ADK: variants seen among roughly 807,000 people sequenced by gnomAD.
ADK encodes the protein adenosine kinase, also known as N6,N6-dimethyladenosine kinase.
ADK carries 24 observed loss-of-function variants against 44.7 expected under a neutral mutation model. The observed-to-expected ratio is 0.54, with a 90% CI of 0.39 to 0.76. The LOEUF (loss-of-function observed/expected upper bound fraction) is 0.76. ADK is among the 30% of genes least tolerant of loss of function. ADK has a pLI of 0.00. For missense variants in ADK, 321 were observed against 425.1 expected (o/e 0.76, Z 2.15); for synonymous variants, 128 against 142.6 (o/e 0.90, Z 0.73).
intron 2 of ADK, among the ~76,000 whole-genome samples, chr10:74,209,953 C>A (rs1314616825): frequency 1.3e-5 from 2 of 151,910 alleles, no homozygotes; most frequent in Non-Finnish European, 2.9e-5. Flanking sequence ...TTTTTCCTGA[C>A]ACTAGATAAA....
chr10:74,567,699 G>GTT (rs56042541), intron 7 of ADK, among the ~76,000 whole-genome samples: 45 of 112,372 alleles, frequency 4.0e-4, no homozygotes, highest in Non-Finnish European at 5.4e-4. Flanking sequence ...TGTTTTTTTT[G>GTT]TTTTTTTTTT....
intron 1 of ADK, among the ~76,000 whole-genome samples, chr10:74,170,455 C>G (rs1179085763): frequency 5.9e-5 from 9 of 151,834 alleles, no homozygotes; most frequent in Admixed American, 5.9e-4. Flanking sequence ...TTTAAAAATG[C>G]AAGTTTTCAA....
intron 4 of ADK, among the ~76,000 whole-genome samples, chr10:74,348,403 G>T (rs1215943213): frequency 6.6e-6 from 1 of 152,010 alleles, no homozygotes; most frequent in Non-Finnish European, 1.5e-5. Context: ...CAACAAAAAG[G>T]ACCCCCACAC....
intron 7 of ADK, among the ~76,000 whole-genome samples, chr10:74,563,691 T>TATATGTAC (rs1850543021): frequency 6.6e-6 from 1 of 152,178 alleles, no homozygotes; most frequent in African/African-American, 2.4e-5. Context: ...AATGCATGTA[T>TATATGTAC]ACATATGTCT....
chr10:74,578,381 C>G (rs1851267700), intron 7 of ADK, among the ~76,000 whole-genome samples: 1 of 151,996 alleles, frequency 6.6e-6, no homozygotes, highest in Non-Finnish European at 1.5e-5. Flanking sequence ...GAAGTCCTGT[C>G]AAAAGATATA....
At position 74,356,816 on chromosome 10, in the gene ADK, A is replaced by C. The variant is rs111672611; in HGVS notation, c.274-37325A>C. Among the ~76,000 whole-genome samples, 762 of 152,298 alleles carry C rather than the reference A, an allele frequency of 5.0e-3. 12 individuals are homozygous for C. The highest frequency in any genetic ancestry group is 0.017 in the African/African-American group (710 of 41,564). ...GATTTCTCATGTTCCTGCACAGTCT[A>C]AGTGTTCTAAGGAGAGGCATTTACA... On this transcript the variant is annotated intron_variant, in intron 4 of 10. Coordinates refer to ENST00000539909, the MANE Select transcript of ADK (RefSeq NM_006721.4).
chr10:74,314,711 G>A lies in ADK; in HGVS notation c.239G>A (p.Gly80Asp). 6.2e-7 allele frequency: 1 copy of A among 1,613,012 alleles called. No individual in the cohort carries two copies. The highest frequency in any genetic ancestry group is 1.1e-5 in the South Asian group (1 of 91,056). ...VKKFKVEYHAGGSTQNSIKVA... is the reference protein window; with the variant it reads ...VKKFKVEYHADGSTQNSIKVA... ...AAATTCAAAGTCGAATATCATGCTG[G>A]TGGCTCTACCCAGAATTCAATTAAA... Residue 80 changes from glycine (G) to aspartate (D), a missense_variant, in exon 4 of 11, where the codon GGT becomes GAT. Physicochemically the swap from Gly to Asp is moderately conservative, Grantham distance 94 (BLOSUM62 -1). Transcript: ENST00000539909.
rs371375726 is a variant in ADK, at chr10:74,654,672, T to C, written c.878-15511T>C. 1.2e-4 allele frequency among the ~76,000 whole-genome samples: 18 copies of C among 152,106 alleles called. No homozygotes were observed. In the East Asian group the frequency reaches 3.1e-3, roughly 26 times the overall value. The stretch of plus-strand genomic sequence containing the variant: ...ACTAAAGATACAAAAATTAGCCGGG[T>C]GTGGTGGCAGGCACCTGTAGTTCCA... On this transcript the variant is annotated intron_variant, in intron 9 of 10. Coordinates refer to ENST00000539909, the MANE Select transcript of ADK (RefSeq NM_006721.4).
At chr10:74,151,449 C>G in intron 1 of ADK, 106 bp downstream of exon 1, 2 of 1,262,714 alleles carry the variant, frequency 1.6e-6, no homozygotes, top group Non-Finnish European at 2.3e-6. Flanking sequence ...TCACTGCCAG[C>G]TTGGGGCCAA....
intron 6 of ADK, among the ~76,000 whole-genome samples, chr10:74,503,972 C>T (rs555876129): frequency 6.6e-6 from 1 of 152,236 alleles, no homozygotes; most frequent in Admixed American, 6.5e-5. Flanking sequence ...CTTACGCTAC[C>T]TCATACAGAA....
At chr10:74,270,650 C>T (rs1242352071) in intron 3 of ADK, among the ~76,000 whole-genome samples, 1 of 152,162 alleles carries the variant, frequency 6.6e-6, no homozygotes, top group Non-Finnish European at 1.5e-5. Context: ...AACTGCTGGC[C>T]TTAGCAATTG....
chr10:74,498,496 C>G (rs1759027091), intron 6 of ADK, among the ~76,000 whole-genome samples: 2 of 152,166 alleles, frequency 1.3e-5, no homozygotes, highest in African/African-American at 2.4e-5. Context: ...AACATATAAT[C>G]TATCCTTTTC....
At chr10:74,175,387 A>G (rs1241229482) in intron 1 of ADK, among the ~76,000 whole-genome samples, 1 of 152,188 alleles carries the variant, frequency 6.6e-6, no homozygotes, top group African/African-American at 2.4e-5. Context: ...AAAAAAAAAA[A>G]AAGTGAAATG....
chr10:74,617,583 T>C (rs1852820769), intron 9 of ADK, among the ~76,000 whole-genome samples: 1 of 152,072 alleles, frequency 6.6e-6, no homozygotes, highest in Non-Finnish European at 1.5e-5. Context: ...GGATTTGATG[T>C]GATGTTATTT....
chr10:74,464,826 C>A (rs1248869414), intron 6 of ADK, among the ~76,000 whole-genome samples: 1 of 97,654 alleles, frequency 1.0e-5, no homozygotes, highest in Non-Finnish European at 2.6e-5. Flanking sequence ...GCAGCCTGGG[C>A]AACTATTTAA....
intron 1 of ADK, among the ~76,000 whole-genome samples, chr10:74,183,345 G>C (rs7074327): frequency 7.6e-4 from 115 of 152,276 alleles, no homozygotes; most frequent in African/African-American, 2.7e-3. Context: ...GCCGAGGTGG[G>C]AGGATCACTT....
intron 4 of ADK, chr10:74,371,431 C>G: frequency 1.6e-6 from 1 of 615,582 alleles, no homozygotes; most frequent in South Asian, 2.0e-5. Context: ...CAGTCCCCTA[C>G]AGATCTATTA....
chr10:74,647,866 A>T (rs1019906407), intron 9 of ADK, among the ~76,000 whole-genome samples: 1 of 152,178 alleles, frequency 6.6e-6, no homozygotes, highest in African/African-American at 2.4e-5. Context: ...AGCTCATTTG[A>T]TACTAATTAA....
intron 7 of ADK, among the ~76,000 whole-genome samples, chr10:74,540,822 A>AT (rs1849600588): frequency 6.6e-6 from 1 of 152,152 alleles, no homozygotes; most frequent in Admixed American, 6.6e-5. Context: ...AAAACTGTAA[A>AT]TTTATATCAC....
Sources: gnomAD v4.1 joint callset for allele counts (sites outside exome capture counted in the v4.1 genomes callset) on GRCh38, gnomAD v4.1.1 for gene constraint, MANE v1.5 for transcripts, NCBI Gene and HGNC (gene_info 2026-07-23, HGNC 2026-07-21) for gene names.